The following ARFGAP1 variants were observed in gnomAD, a reference collection of about 807,000 sequenced individuals.
ARFGAP1 encodes ARF GTPase activating protein 1.
A neutral mutation model predicts 54.0 loss-of-function variants in ARFGAP1; 26 were observed. The observed-to-expected ratio is 0.48, with a 90% CI of 0.35 to 0.67. ARFGAP1 has a LOEUF of 0.67. Ranked by LOEUF, ARFGAP1 falls within the 30% of genes least tolerant of loss-of-function variation. The probability of loss-of-function intolerance (pLI) is 0.00; values close to 1 mark genes in which losing one functional copy is unlikely to be tolerated. For missense variants in ARFGAP1, 525 were observed against 535.8 expected (o/e 0.98, Z 0.20); for synonymous variants, 248 against 211.9 (o/e 1.17, Z -1.48).
chr20:63,286,517 G>T, intron 12 of ARFGAP1, 75 bp downstream of exon 12: 1 of 1,446,302 alleles, frequency 6.9e-7, no homozygotes. Context: ...CTCTCCAGGA[G>T]GTGGCTGGCA....
intron 6 of ARFGAP1, 109 bp downstream of exon 6, chr20:63,278,312 C>T (rs901950603): frequency 5.3e-6 from 6 of 1,131,620 alleles, no homozygotes; most frequent in Middle Eastern, 2.0e-4. Context: ...GGGTGTGGGA[C>T]CCAGGCATGC....
At chr20:63,274,911 TCCCCGTGA>T (rs2067195040) in intron 1 of ARFGAP1, among the ~76,000 whole-genome samples, 1 of 152,178 alleles carries the variant, frequency 6.6e-6, no homozygotes, top group Non-Finnish European at 1.5e-5. Context: ...CCCAGTAGGG[TCCCCGTGA>T]GTCACTGTGG....
chr20:63,288,284 G>T lies in ARFGAP1; in HGVS notation c.*411G>T, dbSNP rs1329078748. On this transcript the variant is annotated 3_prime_UTR_variant, in exon 13 of 13. Transcript: ENST00000370283. ...GACGTGAGGTGTCCCTTCTCGTTGA[G>T]ATATTTAACTTTGGTTTTGCTCTAG... The T allele has an allele frequency of 2.0e-6, 1 of 488,408 alleles. No individual in the cohort carries two copies. Among genetic ancestry groups the T allele is most frequent in the Non-Finnish European group, 4.0e-6 (1 of 248,468 alleles). The allele number at this position is 488,408 out of a possible 1,614,324, so 30.3% of individuals were successfully genotyped here.
intron 9 of ARFGAP1, chr20:63,283,486 G>A (rs547533812): frequency 2.4e-5 from 7 of 296,532 alleles, no homozygotes; most frequent in African/African-American, 4.4e-5. Flanking sequence ...GCTCTAGGAC[G>A]CGCCTTTGCC....
At chr20:63,285,071 C>T (rs2067493272) in intron 10 of ARFGAP1, 149 bp downstream of exon 10, 5 of 985,858 alleles carry the variant, frequency 5.1e-6, no homozygotes, top group Admixed American at 2.1e-5. Flanking sequence ...AGGCGTCCTC[C>T]TCGGGGCCTG....
Position 63,278,213 on chromosome 20 carries a change from TGA to T in ARFGAP1, c.530+14_530+15del, listed in dbSNP as rs2067282635. The stretch of plus-strand genomic sequence containing the variant: ...TCGGCTCCTATCAAGGGTAAGGACT[TGA>T]GAGCTGGGGACGCCTGGCGTGGGCC... On this transcript the variant is annotated intron_variant, in intron 6 of 12. Coordinates refer to ENST00000370283, the MANE Select transcript of ARFGAP1 (RefSeq NM_018209.4). 4 of 1,612,188 alleles carry T rather than the reference TGA, an allele frequency of 2.5e-6. No homozygotes were observed. The highest frequency in any genetic ancestry group is 1.1e-5 in the South Asian group (1 of 91,066).
At position 63,287,569 on chromosome 20, in the gene ARFGAP1, C is replaced by T. The variant is rs369195697; in HGVS notation, c.917C>T (p.Ser306Leu). Reference sequence around the variant, plus strand: ...CCCTTCTGTCTCTTTAAAAGCCCCTCGGAGGGCCACAGTTATCAGAACAGC... The same window carrying T: ...CCCTTCTGTCTCTTTAAAAGCCCCTTGGAGGGCCACAGTTATCAGAACAGC... ...GKAEGPLDSP[S>L]EGHSYQNSGL... The change falls in exon 13 of 13, where the codon TCG becomes TTG. Residue 306 changes from serine (S) to leucine (L), a missense_variant. Physicochemically the swap from Ser to Leu is moderately radical, Grantham distance 145 (BLOSUM62 -2). Transcript: ENST00000370283. 8.2e-6 allele frequency: 13 copies of T among 1,585,364 alleles called. No individual in the cohort carries two copies. Among genetic ancestry groups the T allele is most frequent in the Admixed American group, 5.3e-5 (3 of 57,076 alleles).
At chr20:63,285,250 A>T (rs767933965) in intron 10 of ARFGAP1, among the ~76,000 whole-genome samples, 14 of 151,228 alleles carry the variant, frequency 9.3e-5, no homozygotes, top group Non-Finnish European at 1.8e-4. Flanking sequence ...TCACCCCCAC[A>T]GCTGGCCGCG....
intron 2 of ARFGAP1, 67 bp downstream of exon 2, chr20:63,275,707 A>G: frequency 6.7e-7 from 1 of 1,499,326 alleles, no homozygotes; most frequent in Non-Finnish European, 9.3e-7. Flanking sequence ...GGGAAGTTGT[A>G]CTCTGAGCCT....
rs1029790226 is a variant in ARFGAP1 at position 63,284,143 on chromosome 20, C to T, written c.718-723C>T. ...ATGAGACCCCCATCTCCAAAACACACAGACCCCCAACGCAGGCCTGCTGCC... is the reference window on the plus strand; with the variant it reads ...ATGAGACCCCCATCTCCAAAACACATAGACCCCCAACGCAGGCCTGCTGCC... On this transcript the variant is annotated intron_variant, in intron 9 of 12. Coordinates refer to ENST00000370283, the MANE Select transcript of ARFGAP1 (RefSeq NM_018209.4). The T allele has an allele frequency of 2.2e-6, 3 of 1,339,282 alleles. No homozygotes were observed. In the African/African-American group the frequency reaches 4.5e-5, roughly 20 times the overall value. 83.0% of individuals were successfully genotyped at this position (1,339,282 alleles called of 1,614,324 possible).
chr20:63,285,927 C>T, intron 11 of ARFGAP1: 1 of 1,481,528 alleles, frequency 6.7e-7, no homozygotes. Flanking sequence ...CTAACTGTCA[C>T]TTCTCCCTCT....
intron 8 of ARFGAP1, 127 bp downstream of exon 8, chr20:63,281,474 A>G: frequency 8.3e-7 from 1 of 1,203,292 alleles, no homozygotes; most frequent in Non-Finnish European, 1.2e-6. Flanking sequence ...TGCTGTAACC[A>G]TGGGCTGTGC....
At chr20:63,287,013 A>G (rs2123323226) in intron 12 of ARFGAP1, 1 of 162,366 alleles carries the variant, frequency 6.2e-6, no homozygotes. Flanking sequence ...CGGGGATCTC[A>G]TCGGGCCTGG....
intron 9 of ARFGAP1, chr20:63,283,385 CTGTCCTCGGGTT>C: frequency 5.1e-6 from 1 of 197,802 alleles, no homozygotes; most frequent in Non-Finnish European, 1.0e-5. Flanking sequence ...TGTGATCTGG[CTGTCCTCGGGTT>C]CAGAATCACA....
At chr20:63,283,858 G>T (rs760008833) in intron 9 of ARFGAP1, 1 of 1,613,732 alleles carries the variant, frequency 6.2e-7, no homozygotes, top group Non-Finnish European at 8.5e-7. Context: ...AAGTTTTGGG[G>T]TCACAAGCAG....
chr20:63,273,365 A>G (rs1468036947), intron 1 of ARFGAP1: 2 of 152,240 alleles, frequency 1.3e-5, no homozygotes, highest in Admixed American at 1.3e-4. Context: ...GACACATCCC[A>G]GTCAGGTGGC....
At chr20:63,283,833 T>C in intron 9 of ARFGAP1, 10 of 1,613,654 alleles carry the variant, frequency 6.2e-6, no homozygotes, top group Non-Finnish European at 8.5e-6. Context: ...TCACCTGTCT[T>C]CTTGCTGTCG....
Position 63,287,741 on chromosome 20 carries a change from C to T in ARFGAP1, c.1089C>T (p.Ser363=), listed in dbSNP as rs756425439. The T allele has an allele frequency of 1.9e-6, 3 of 1,608,508 alleles. 1 individual carries two copies. Among genetic ancestry groups the T allele is most frequent in the South Asian group, 2.2e-5 (2 of 90,604 alleles). The change falls in exon 13 of 13, where the codon AGC becomes AGT. Residue 363 remains serine (S), a synonymous_variant. Transcript: ENST00000370283. ...CCACCGAGAGGAGGAGCTCGGACAG[C>T]TGGGAGGTGTGGGGCTCGGCCTCCA... ...DTSTERRSSD[S]WEVWGSASTN... is the part of the protein sequence containing the mutation.
intron 9 of ARFGAP1, chr20:63,284,231 C>T: frequency 1.6e-6 from 2 of 1,218,564 alleles, no homozygotes; most frequent in Non-Finnish European, 2.1e-6. Context: ...GGTTTCCTGG[C>T]CACCTGCGCT....
Sources: allele counts gnomAD v4.1 joint callset (sites outside exome capture counted in the v4.1 genomes callset), GRCh38; gene constraint gnomAD v4.1.1; transcripts MANE v1.5; gene names NCBI Gene and HGNC (gene_info 2026-07-23, HGNC 2026-07-21).